Variants in AKAP6 observed in about 807,000 individuals in gnomAD.
The protein encoded by AKAP6 is A-kinase anchor protein 6.
AKAP6 carries 58 observed loss-of-function variants against 188.5 expected under a neutral mutation model. The observed-to-expected ratio is 0.31, with a 90% CI of 0.25 to 0.38. AKAP6 has a LOEUF of 0.38. Ranked by LOEUF, AKAP6 falls within the 10% of genes least tolerant of loss-of-function variation. AKAP6 has a pLI of 1.00. For synonymous variants in AKAP6, 989 were observed against 998.6 expected (o/e 0.99, Z 0.18); for missense variants, 2,710 against 2,740.0 (o/e 0.99, Z 0.24).
intron 3 of AKAP6, among the ~76,000 whole-genome samples, chr14:32,537,243 C>G (rs950385297): frequency 1.3e-5 from 2 of 152,198 alleles, no homozygotes; most frequent in African/African-American, 4.8e-5. Flanking sequence ...AACTTTAAGT[C>G]ACAGTCTTTG....
intron 9 of AKAP6, among the ~76,000 whole-genome samples, chr14:32,723,423 A>G (rs1439805755): frequency 1.3e-5 from 2 of 152,140 alleles, no homozygotes; most frequent in African/African-American, 2.4e-5. Context: ...ATCATCTGAA[A>G]TAGATATTAT....
chr14:32,566,666 G>A (rs1273335009), intron 4 of AKAP6, among the ~76,000 whole-genome samples: 1 of 152,132 alleles, frequency 6.6e-6, no homozygotes, highest in African/African-American at 2.4e-5. Context: ...ACAAAAAAAG[G>A]CAATTTAGTC....
At chr14:32,594,214 C>A (rs1173320553) in intron 5 of AKAP6, among the ~76,000 whole-genome samples, 1 of 152,122 alleles carries the variant, frequency 6.6e-6, no homozygotes, top group Non-Finnish European at 1.5e-5. Context: ...CTAAAGCACC[C>A]AGAACTTGTT....
At chr14:32,400,154 A>C (rs940783396) in intron 1 of AKAP6, among the ~76,000 whole-genome samples, 1 of 152,028 alleles carries the variant, frequency 6.6e-6, no homozygotes, top group African/African-American at 2.4e-5. Flanking sequence ...ATAAATTCTC[A>C]GGGGAAATTT....
At chr14:32,801,811 T>TA (rs1244090594) in intron 12 of AKAP6, among the ~76,000 whole-genome samples, 1 of 152,196 alleles carries the variant, frequency 6.6e-6, no homozygotes, top group Non-Finnish European at 1.5e-5. Flanking sequence ...TATAACACTT[T>TA]AAATATTTCA....
chr14:32,755,843 T>G (rs1316463877), intron 11 of AKAP6, among the ~76,000 whole-genome samples: 1 of 152,242 alleles, frequency 6.6e-6, no homozygotes, highest in Non-Finnish European at 1.5e-5. Flanking sequence ...AGAAGACATT[T>G]AGGGCCACTA....
intron 2 of AKAP6, among the ~76,000 whole-genome samples, chr14:32,465,459 G>A (rs1000018660): frequency 2.0e-5 from 3 of 152,016 alleles, no homozygotes; most frequent in Non-Finnish European, 4.4e-5. Flanking sequence ...ACTGATCTTC[G>A]ACAAACCTGA....
chr14:32,806,913 G>A (rs79548964), intron 12 of AKAP6, among the ~76,000 whole-genome samples: 197 of 152,032 alleles, frequency 1.3e-3, no homozygotes, highest in Admixed American at 2.6e-3. Context: ...TGTTGGCTGG[G>A]CATGGTGGCT....
In AKAP6 at chr14:32,824,833, G is replaced by C; in HGVS notation, c.*42+18G>C. On this transcript the variant is annotated intron_variant, in intron 13 of 13. Coordinates refer to ENST00000280979, the MANE Select transcript of AKAP6 (RefSeq NM_004274.5). Reference sequence around the variant, plus strand: ...ACTGAAAGGTACGTATAGTCCTCATGCCGTATATGTATTTAAAATATTGAG... The same window carrying C: ...ACTGAAAGGTACGTATAGTCCTCATCCCGTATATGTATTTAAAATATTGAG... The C allele has an allele frequency of 6.5e-7, 1 of 1,528,760 alleles. No individual in the cohort carries two copies. Among genetic ancestry groups the C allele is most frequent in the Non-Finnish European group, 8.8e-7 (1 of 1,140,642 alleles). The allele number at this position is 1,528,760 out of a possible 1,614,324, so 94.7% of individuals were successfully genotyped here.
chr14:32,474,989 G>T (rs981964617), intron 2 of AKAP6, among the ~76,000 whole-genome samples: 2 of 152,122 alleles, frequency 1.3e-5, no homozygotes, highest in Non-Finnish European at 2.9e-5. Context: ...GACACAGGAA[G>T]TATATTTCTT....
chr14:32,401,772 T>C (rs931250569), intron 1 of AKAP6, among the ~76,000 whole-genome samples: 1 of 152,250 alleles, frequency 6.6e-6, no homozygotes, highest in African/African-American at 2.4e-5. Context: ...ATTGATTTTA[T>C]TGGAATTTCA....
rs373316475 is a variant in AKAP6, at chr14:32,331,227, T to C, written c.-35+1819T>C. ...TAAAAAAAAGCAAAAGGCAGCATTG[T>C]AATGAGTTTTCTGTTTGCTTAATTC... is the stretch of plus-strand genomic sequence containing the variant. On this transcript the variant is annotated intron_variant, in intron 1 of 13. Transcript: ENST00000280979. Among the ~76,000 whole-genome samples the C allele has an allele frequency of 1.8e-3, 273 of 152,194 alleles. 6 individuals carry two copies. In the South Asian group the frequency reaches 0.019, roughly 11 times the overall value.
chr14:32,475,908 C>T (rs1212037460), intron 2 of AKAP6, among the ~76,000 whole-genome samples: 2 of 151,896 alleles, frequency 1.3e-5, no homozygotes, highest in African/African-American at 4.8e-5. Flanking sequence ...TGGTCTCGAT[C>T]TCCTGACCTC....
intron 11 of AKAP6, among the ~76,000 whole-genome samples, chr14:32,765,327 G>A (rs2032679173): frequency 6.6e-6 from 1 of 152,008 alleles, no homozygotes; most frequent in Non-Finnish European, 1.5e-5. Context: ...AATGATCTTT[G>A]GTAAAGTATG....
At chr14:32,351,380 T>C (rs10148659) in intron 1 of AKAP6, among the ~76,000 whole-genome samples, 57,853 of 151,920 alleles carry the variant, frequency 0.38, 12,335 homozygotes, top group African/African-American at 0.59. Flanking sequence ...CTGGCCAACA[T>C]GGCGAAAGCC....
intron 1 of AKAP6, among the ~76,000 whole-genome samples, chr14:32,359,313 C>T (rs1163966555): frequency 1.3e-5 from 2 of 151,424 alleles, no homozygotes; most frequent in South Asian, 2.1e-4. Context: ...AAAACATGCT[C>T]AATTTAAAAA....
chr14:32,381,042 A>G (rs1888338888), intron 1 of AKAP6, among the ~76,000 whole-genome samples: 1 of 152,174 alleles, frequency 6.6e-6, no homozygotes, highest in African/African-American at 2.4e-5. Context: ...GATACGTATT[A>G]ATAGAAAATA....
intron 4 of AKAP6, among the ~76,000 whole-genome samples, chr14:32,572,038 C>T (rs1884513080): frequency 1.3e-5 from 2 of 152,200 alleles, no homozygotes; most frequent in East Asian, 1.9e-4. Context: ...AGACTTAGGA[C>T]TCAGCGAATT....
intron 5 of AKAP6, among the ~76,000 whole-genome samples, chr14:32,598,840 A>T: frequency 6.6e-6 from 1 of 152,118 alleles, no homozygotes. Flanking sequence ...TTTACAAGGC[A>T]GTGTCATATT....
Sources: allele counts gnomAD v4.1 joint callset (sites outside exome capture counted in the v4.1 genomes callset), GRCh38; gene constraint gnomAD v4.1.1; transcripts MANE v1.5; gene names NCBI Gene and HGNC (gene_info 2026-07-23, HGNC 2026-07-21).